The following CTDSPL variants were observed in gnomAD, a reference collection of about 807,000 sequenced individuals.
CTDSPL encodes CTD small phosphatase like, also known as CTD small phosphatase-like protein.
A neutral mutation model predicts 30.5 loss-of-function variants in CTDSPL; 8 were observed. The observed-to-expected ratio is 0.26, with a 90% confidence interval of 0.15 to 0.47. CTDSPL has a LOEUF of 0.47. Ranked by LOEUF, CTDSPL falls within the 20% of genes least tolerant of loss-of-function variation. CTDSPL has a pLI of 0.99. For missense variants in CTDSPL, 248 were observed against 366.1 expected (o/e 0.68, Z 2.63); for synonymous variants, 110 against 137.9 (o/e 0.80, Z 1.42).
At chr3:37,948,839 A>C (rs1336340062) in intron 2 of CTDSPL, among the ~76,000 whole-genome samples, 12 of 84,296 alleles carry the variant, frequency 1.4e-4, no homozygotes, top group African/African-American at 7.0e-4. Context: ...TTTGAGACGG[A>C]GTCTCGCTCT....
chr3:37,902,936 A>G (rs1045869240), intron 1 of CTDSPL, among the ~76,000 whole-genome samples: 7 of 152,220 alleles, frequency 4.6e-5, no homozygotes, highest in Non-Finnish European at 1.0e-4. Flanking sequence ...CTAGGGGGCA[A>G]CATCTACAGT....
chr3:37,947,128 C>G lies in CTDSPL; in HGVS notation c.151C>G (p.Arg51Gly). 1 of 1,613,606 alleles carries G rather than the reference C, an allele frequency of 6.2e-7. No homozygotes were observed. The highest frequency in any genetic ancestry group is 8.5e-7 in the Non-Finnish European group (1 of 1,179,998). ...SILSSFFCCF[R>G]DYNVEAPPPS... is the part of the protein sequence containing the mutation. ...CCTTAGCTCCTTCTTCTGCTGCTTC[C>G]GTGATTACAATGTGGAGGCCCCTCC... is the stretch of plus-strand genomic sequence containing the variant. Residue 51 changes from arginine to glycine, a missense_variant, in exon 2 of 8, where the codon CGT becomes GGT. By Grantham distance (125) the Arg-to-Gly change is moderately radical. This residue lies in a region of CTDSPL where 118 missense variants were observed against 124.7 expected (regional missense o/e 0.95). Transcript: ENST00000273179.
At chr3:37,911,650 G>A (rs1481023294) in intron 1 of CTDSPL, 4 of 456,084 alleles carry the variant, frequency 8.8e-6, no homozygotes, top group Admixed American at 2.4e-5. Flanking sequence ...CTGGTTGAAC[G>A]TTTTAGTGGG....
chr3:37,872,562 A>T (rs1039173641), intron 1 of CTDSPL, among the ~76,000 whole-genome samples: 422 of 100,564 alleles, frequency 4.2e-3, no homozygotes, highest in Non-Finnish European at 4.7e-3. Flanking sequence ...TTTTTTTTAA[A>T]TTCTTTTATC....
At chr3:37,951,673 C>G (rs969777495) in intron 2 of CTDSPL, among the ~76,000 whole-genome samples, 14 of 151,816 alleles carry the variant, frequency 9.2e-5, no homozygotes, top group Non-Finnish European at 1.9e-4. Context: ...AGAGCAAGAT[C>G]CTGTCTCAAA....
intron 1 of CTDSPL, among the ~76,000 whole-genome samples, chr3:37,883,995 G>C (rs746517257): frequency 6.6e-6 from 1 of 152,038 alleles, no homozygotes; most frequent in Non-Finnish European, 1.5e-5. Context: ...GGTCCTTAAG[G>C]GTTTAGGGAA....
chr3:37,933,118 A>C (rs1361411663), intron 1 of CTDSPL, among the ~76,000 whole-genome samples: 3 of 148,846 alleles, frequency 2.0e-5, no homozygotes, highest in Non-Finnish European at 4.4e-5. Context: ...GCTCCACTAC[A>C]CTCCAGCCTG....
chr3:37,881,421 C>T (rs570813961), intron 1 of CTDSPL, among the ~76,000 whole-genome samples: 12 of 152,082 alleles, frequency 7.9e-5, no homozygotes, highest in South Asian at 4.2e-4. Context: ...CCCAGCTACT[C>T]GGGAGGCTGA....
intron 1 of CTDSPL, among the ~76,000 whole-genome samples, chr3:37,868,420 G>C (rs755003979): frequency 4.6e-5 from 7 of 151,886 alleles, no homozygotes; most frequent in Non-Finnish European, 8.8e-5. Context: ...TTTTGATAAG[G>C]TGCAATATAT....
In CTDSPL at chr3:37,984,276, C is replaced by A. The variant is rs1163428602; in HGVS notation, c.*3409C>A. The A allele has an allele frequency of 2.2e-6, 1 of 456,962 alleles. No individual in the cohort carries two copies. The highest frequency in any genetic ancestry group is 4.4e-6 in the Non-Finnish European group (1 of 227,042). 28.3% of individuals were successfully genotyped at this position (456,962 alleles called of 1,614,324 possible). A position where few individuals can be genotyped will look rare whatever the true frequency, so the allele number is the denominator to read the frequency against. On this transcript the variant is annotated 3_prime_UTR_variant, in exon 8 of 8. Coordinates refer to ENST00000273179, the MANE Select transcript of CTDSPL (RefSeq NM_001008392.2). ...CTTCTCTGCAGACTGACACACCCTCCCCCACCCCGGGTAGTGGAGATGCTG... is the reference window on the plus strand; with the variant it reads ...CTTCTCTGCAGACTGACACACCCTCACCCACCCCGGGTAGTGGAGATGCTG...
chr3:37,981,935 G>C lies in CTDSPL; in HGVS notation c.*1068G>C, dbSNP rs563614679. The C allele has an allele frequency of 1.1e-5, 5 of 456,452 alleles. No homozygotes were observed. The highest frequency in any genetic ancestry group is 2.0e-5 in the African/African-American group (1 of 50,210). The allele number at this position is 456,452 out of a possible 1,614,324, so 28.3% of individuals were successfully genotyped here. A position where few individuals can be genotyped will look rare whatever the true frequency, so the allele number is the denominator to read the frequency against. Reference sequence around the variant, plus strand: ...TTCTTTGCCACTGTGCCTATGCTCAGAATATGCTCACTGCTAAGCTACAAA... The same window carrying C: ...TTCTTTGCCACTGTGCCTATGCTCACAATATGCTCACTGCTAAGCTACAAA... On this transcript the variant is annotated 3_prime_UTR_variant, in exon 8 of 8. Coordinates refer to ENST00000273179, the MANE Select transcript of CTDSPL (RefSeq NM_001008392.2).
intron 1 of CTDSPL, among the ~76,000 whole-genome samples, chr3:37,907,203 C>T (rs959728113): frequency 1.4e-4 from 22 of 152,184 alleles, no homozygotes; most frequent in African/African-American, 2.4e-4. Flanking sequence ...CTGCAGCAGC[C>T]GCCTTCTGAC....
chr3:37,940,666 G>A (rs1319497311), intron 1 of CTDSPL, among the ~76,000 whole-genome samples: 2 of 150,442 alleles, frequency 1.3e-5, no homozygotes, highest in Non-Finnish European at 1.5e-5. Context: ...GGTCCAGGGT[G>A]GGTCACGTGC....
In CTDSPL at chr3:37,947,188, G is replaced by A. The variant is rs750061522; in HGVS notation, c.211G>A (p.Glu71Lys). 1.9e-6 allele frequency: 3 copies of A among 1,612,350 alleles called. No individual in the cohort carries two copies. Among genetic ancestry groups the A allele is most frequent in the South Asian group, 2.2e-5 (2 of 90,992 alleles). The change falls in exon 2 of 8, where the codon GAG becomes AAG. Residue 71 changes from glutamate (E) to lysine (K), a missense_variant. By Grantham distance (56) the Glu-to-Lys change is moderately conservative. Coordinates refer to ENST00000273179, the MANE Select transcript of CTDSPL (RefSeq NM_001008392.2). ...CCCCAGTGTGCTTCCGCCACTGGTG[G>A]AGGAGAATGGTGGGCTTCAGAAGGT... The part of the protein sequence containing the change: ...SSPSVLPPLV[E>K]ENGGLQKGDQ...
At chr3:37,867,637 T>G (rs1468029581) in intron 1 of CTDSPL, among the ~76,000 whole-genome samples, 1 of 152,226 alleles carries the variant, frequency 6.6e-6, no homozygotes, top group Non-Finnish European at 1.5e-5. Context: ...GTCACTGTTT[T>G]TAAAAATTTT....
At chr3:37,979,001 C>A (rs1699459425) in intron 7 of CTDSPL, among the ~76,000 whole-genome samples, 2 of 152,154 alleles carry the variant, frequency 1.3e-5, no homozygotes, top group South Asian at 4.1e-4. Context: ...TTCTCTTATG[C>A]TGCAACTCTT....
intron 1 of CTDSPL, among the ~76,000 whole-genome samples, chr3:37,893,227 A>T (rs1698349988): frequency 1.3e-5 from 2 of 152,214 alleles, no homozygotes; most frequent in Admixed American, 1.3e-4. Context: ...TGTGTTTGGC[A>T]ATCAGCTTGG....
chr3:37,875,418 T>C (rs1287641289), intron 1 of CTDSPL, among the ~76,000 whole-genome samples: 1 of 152,250 alleles, frequency 6.6e-6, no homozygotes, highest in Non-Finnish European at 1.5e-5. Context: ...ACTTTAAAAA[T>C]TGAAGAGAAG....
At chr3:37,885,302 G>C (rs1698250792) in intron 1 of CTDSPL, among the ~76,000 whole-genome samples, 1 of 152,190 alleles carries the variant, frequency 6.6e-6, no homozygotes, top group Admixed American at 6.5e-5. Flanking sequence ...GAGTTTAATA[G>C]GTAGCCATGG....
Sources: gnomAD v4.1 joint callset for allele counts (sites outside exome capture counted in the v4.1 genomes callset) on GRCh38, gnomAD v4.1.1 for gene constraint, gnomAD v4.1.1 regional missense constraint, MANE v1.5 for transcripts, NCBI Gene and HGNC (gene_info 2026-07-23, HGNC 2026-07-21) for gene names.